Variants in AKAP6 observed in about 807,000 individuals in gnomAD.
The protein encoded by AKAP6 is A-kinase anchoring protein 6.
AKAP6 carries 58 observed loss-of-function variants against 188.5 expected under a neutral mutation model. That is an observed-to-expected ratio of 0.31 (90% CI 0.25 to 0.38). AKAP6 has a LOEUF of 0.38. AKAP6 is among the 10% of genes least tolerant of loss of function. AKAP6 has a pLI of 1.00. For synonymous variants in AKAP6, 989 were observed against 998.6 expected (o/e 0.99, Z 0.18); for missense variants, 2,710 against 2,740.0 (o/e 0.99, Z 0.24).
intron 7 of AKAP6, among the ~76,000 whole-genome samples, chr14:32,621,892 A>T (rs1886828892): frequency 6.6e-6 from 1 of 152,128 alleles, no homozygotes; most frequent in Admixed American, 6.5e-5. Flanking sequence ...AGTGTGACAG[A>T]TGTACTAATA....
chr14:32,646,636 G>A (rs1294229794), intron 7 of AKAP6, among the ~76,000 whole-genome samples: 1 of 152,140 alleles, frequency 6.6e-6, no homozygotes, highest in African/African-American at 2.4e-5. Flanking sequence ...AGCATGCCTA[G>A]CAGGTGAGAG....
chr14:32,798,886 A>C (rs2033854166), intron 12 of AKAP6, among the ~76,000 whole-genome samples: 1 of 152,186 alleles, frequency 6.6e-6, no homozygotes, highest in Non-Finnish European at 1.5e-5. Context: ...AGTTGGAAAA[A>C]AAAAAATAAT....
intron 7 of AKAP6, among the ~76,000 whole-genome samples, chr14:32,611,988 C>T (rs939051609): frequency 6.6e-6 from 1 of 152,108 alleles, no homozygotes; most frequent in Non-Finnish European, 1.5e-5. Flanking sequence ...AGACAAACCC[C>T]ATGAGATTAG....
At chr14:32,675,751 G>C (rs1889398572) in intron 7 of AKAP6, among the ~76,000 whole-genome samples, 1 of 152,198 alleles carries the variant, frequency 6.6e-6, no homozygotes, top group Admixed American at 6.5e-5. Flanking sequence ...ATATTATGCA[G>C]TAAAAGTCAT....
intron 1 of AKAP6, among the ~76,000 whole-genome samples, chr14:32,352,003 G>T (rs10139496): frequency 0.31 from 47,542 of 151,706 alleles, 8,107 homozygotes; most frequent in African/African-American, 0.46. Flanking sequence ...CTGCTGGATA[G>T]CCCTGATGTA....
At chr14:32,496,647 T>A (rs1461625655) in intron 2 of AKAP6, among the ~76,000 whole-genome samples, 1 of 152,118 alleles carries the variant, frequency 6.6e-6, no homozygotes, top group Admixed American at 6.6e-5. Flanking sequence ...CTTGAAAAGC[T>A]GCAGTATTAT....
intron 12 of AKAP6, among the ~76,000 whole-genome samples, chr14:32,788,040 C>CAAAAA (rs10606532): frequency 4.2e-5 from 4 of 96,332 alleles, no homozygotes; most frequent in Non-Finnish European, 6.1e-5. Flanking sequence ...GACCCCATCT[C>CAAAAA]AAAAAAAAAA....
At chr14:32,766,686 G>A (rs1037829732) in intron 11 of AKAP6, among the ~76,000 whole-genome samples, 1 of 152,060 alleles carries the variant, frequency 6.6e-6, no homozygotes, top group Admixed American at 6.6e-5. Context: ...AAAAAATTGA[G>A]TTACTGGTCT....
At chr14:32,674,471 C>T (rs1420829487) in intron 7 of AKAP6, among the ~76,000 whole-genome samples, 1 of 152,072 alleles carries the variant, frequency 6.6e-6, no homozygotes, top group Non-Finnish European at 1.5e-5. Flanking sequence ...GAGAAGGAGA[C>T]TGCAGAGACA....
At chr14:32,644,947 C>A (rs541584837) in intron 7 of AKAP6, among the ~76,000 whole-genome samples, 8 of 152,174 alleles carry the variant, frequency 5.3e-5, no homozygotes, top group Non-Finnish European at 1.2e-4. Context: ...GTATATATAC[C>A]ATAATCAATG....
At chr14:32,683,934 T>C (rs1889800346) in intron 8 of AKAP6, among the ~76,000 whole-genome samples, 1 of 152,252 alleles carries the variant, frequency 6.6e-6, no homozygotes, top group South Asian at 2.1e-4. Flanking sequence ...TGACAAACCT[T>C]GGTTACTGGG....
chr14:32,606,695 A>T (rs905168162), intron 7 of AKAP6, among the ~76,000 whole-genome samples: 5 of 152,164 alleles, frequency 3.3e-5, no homozygotes, highest in African/African-American at 1.2e-4. Context: ...ACAGAGAGTT[A>T]GCTGCTTTGA....
At chr14:32,458,825 A>G (rs960108205) in intron 2 of AKAP6, among the ~76,000 whole-genome samples, 3 of 152,172 alleles carry the variant, frequency 2.0e-5, no homozygotes, top group Non-Finnish European at 4.4e-5. Flanking sequence ...AAGTCAGGAA[A>G]GAATTAGAAA....
chr14:32,406,906 T>G (rs770793035), intron 1 of AKAP6, among the ~76,000 whole-genome samples: 3 of 152,204 alleles, frequency 2.0e-5, no homozygotes, highest in Non-Finnish European at 2.9e-5. Flanking sequence ...TGGGGATGAT[T>G]ATAACAAAAT....
intron 2 of AKAP6, among the ~76,000 whole-genome samples, chr14:32,501,691 C>T (rs1292700256): frequency 2.0e-5 from 3 of 152,144 alleles, no homozygotes; most frequent in African/African-American, 4.8e-5. Context: ...GATTAACTGA[C>T]ACTCTTGTTA....
chr14:32,779,641 C>T (rs2033180361), intron 12 of AKAP6, among the ~76,000 whole-genome samples: 2 of 151,990 alleles, frequency 1.3e-5, no homozygotes, highest in South Asian at 2.1e-4. Context: ...AATGTTTATG[C>T]TCTAAAACAG....
intron 1 of AKAP6, chr14:32,385,108 A>G (rs529448624): frequency 8.0e-5 from 12 of 150,384 alleles, no homozygotes; most frequent in South Asian, 4.2e-4. Flanking sequence ...CTTGGCCTTC[A>G]CCTTCAATAA....
At chr14:32,735,281 C>A (rs957305885) in intron 10 of AKAP6, among the ~76,000 whole-genome samples, 1 of 152,064 alleles carries the variant, frequency 6.6e-6, no homozygotes, top group Non-Finnish European at 1.5e-5. Flanking sequence ...TTACTATAAA[C>A]TCCTATCATG....
chr14:32,737,623 G>A (rs1319495253), intron 11 of AKAP6, among the ~76,000 whole-genome samples: 3 of 152,150 alleles, frequency 2.0e-5, no homozygotes, highest in Admixed American at 1.3e-4. Context: ...TCTGCCTCTC[G>A]TGGGTTCCTA....
Sources: gnomAD v4.1 joint callset for allele counts (sites outside exome capture counted in the v4.1 genomes callset) on GRCh38, gnomAD v4.1.1 for gene constraint, MANE v1.5 for transcripts, NCBI Gene and HGNC (gene_info 2026-07-23, HGNC 2026-07-21) for gene names.